The following MCC variants were observed in gnomAD, a reference collection of about 807,000 sequenced individuals.
MCC encodes the protein MCC regulator of Wnt signaling pathway.
In MCC, 90 loss-of-function variants were observed where a neutral mutation model predicts 116.2. The observed-to-expected ratio is 0.77, with a 90% CI of 0.65 to 0.92. The LOEUF is 0.92. Among genes scored for constraint, MCC ranks in the 40% least tolerant of loss-of-function variants. MCC has a pLI of 0.00. For synonymous variants in MCC, 578 were observed against 510.5 expected (o/e 1.13, Z -1.78); for missense variants, 1,516 against 1,312.2 (o/e 1.16, Z -2.40).
intron 3 of MCC, among the ~76,000 whole-genome samples, chr5:113,278,669 A>G (rs1765921091): frequency 6.6e-6 from 1 of 152,216 alleles, no homozygotes; most frequent in South Asian, 2.1e-4. Context: ...GGCACCTTGA[A>G]GGTGCTGAAA....
intron 1 of MCC, among the ~76,000 whole-genome samples, chr5:113,416,306 C>T (rs1433298476): frequency 6.6e-6 from 1 of 152,148 alleles, no homozygotes; most frequent in Non-Finnish European, 1.5e-5. Flanking sequence ...GTAGTCTCAT[C>T]TACTCAGGAG....
chr5:113,431,763 AGG>A (rs34082350), intron 1 of MCC, among the ~76,000 whole-genome samples: 866 of 40,718 alleles, frequency 0.021, 17 homozygotes, highest in African/African-American at 0.04. Context: ...TGGGAGGCCA[AGG>A]GGGGGGGGGG....
At chr5:113,067,331 T>C (rs978223509) in intron 13 of MCC, among the ~76,000 whole-genome samples, 1 of 152,140 alleles carries the variant, frequency 6.6e-6, no homozygotes, top group African/African-American at 2.4e-5. Context: ...CCTGGAGACC[T>C]GGCAGGGGAA....
chr5:113,226,670 A>T (rs1763754116), intron 3 of MCC, among the ~76,000 whole-genome samples: 1 of 152,260 alleles, frequency 6.6e-6, no homozygotes, highest in African/African-American at 2.4e-5. Context: ...AATTAAGCTA[A>T]TTGAACACTT....
intron 8 of MCC, among the ~76,000 whole-genome samples, chr5:113,095,462 C>G (rs184839827): frequency 6.6e-6 from 1 of 152,190 alleles, no homozygotes; most frequent in Non-Finnish European, 1.5e-5. Flanking sequence ...TAAATCATCA[C>G]CCATCACAAA....
chr5:113,432,669 T>C (rs973667519), intron 1 of MCC: 2 of 152,232 alleles, frequency 1.3e-5, no homozygotes, highest in African/African-American at 4.8e-5. Flanking sequence ...CAAAAGTTCA[T>C]GCTTTTCACT....
intron 3 of MCC, among the ~76,000 whole-genome samples, chr5:113,196,743 G>C (rs1346078991): frequency 6.6e-6 from 1 of 152,158 alleles, no homozygotes; most frequent in Non-Finnish European, 1.5e-5. Context: ...CAGCTACTCA[G>C]GAGGCTGAGG....
intron 1 of MCC, among the ~76,000 whole-genome samples, chr5:113,424,309 T>C (rs1232404494): frequency 1.3e-5 from 2 of 151,936 alleles, no homozygotes; most frequent in African/African-American, 2.4e-5. Context: ...AAAGAACTCA[T>C]AGGAAACAGA....
At chr5:113,371,570 A>C (rs1768837680) in intron 2 of MCC, among the ~76,000 whole-genome samples, 1 of 152,218 alleles carries the variant, frequency 6.6e-6, no homozygotes, top group Non-Finnish European at 1.5e-5. Flanking sequence ...CCAAACAAAT[A>C]TATGAAGTAC....
intron 3 of MCC, among the ~76,000 whole-genome samples, chr5:113,224,497 G>A (rs1217403754): frequency 6.6e-6 from 1 of 152,214 alleles, no homozygotes; most frequent in Admixed American, 6.5e-5. Context: ...TTTCCTCACA[G>A]GAACTGCCCT....
At chr5:113,487,873 T>G (rs1025104013) in intron 1 of MCC, among the ~76,000 whole-genome samples, 5 of 152,136 alleles carry the variant, frequency 3.3e-5, no homozygotes, top group Admixed American at 3.3e-4. Flanking sequence ...CTGCGGCATC[T>G]TGATGCCCAG....
intron 3 of MCC, among the ~76,000 whole-genome samples, chr5:113,187,754 CAA>C (rs5870533): frequency 0.59 from 72,143 of 122,850 alleles, 21,272 homozygotes; most frequent in East Asian, 0.72. Flanking sequence ...GACTCCAACT[CAA>C]AAAAAAAAAA....
chr5:113,027,413 C>G lies in MCC; in HGVS notation c.2949G>C (p.Gln983His), dbSNP rs1402195641. Residue 983 changes from glutamine (Q) to histidine (H), a missense_variant, in exon 19 of 19, where the codon CAG (glutamine) becomes CAC (histidine). Coordinates refer to ENST00000408903, the MANE Select transcript of MCC (RefSeq NM_001085377.2). ...HQNKLKKLES[Q>H]MMAMVERHET... ...CATGTCTCTCCACCATGGCCATCAT[C>G]TGCGACTCTAACTTCTTCAGTTTGT... is the stretch of plus-strand genomic sequence containing the variant. 1.2e-6 allele frequency: 2 copies of G among 1,614,116 alleles called. No individual in the cohort carries two copies. The highest frequency in any genetic ancestry group is 1.7e-6 in the Non-Finnish European group (2 of 1,180,054).
intron 3 of MCC, among the ~76,000 whole-genome samples, chr5:113,257,753 T>C (rs550484194): frequency 6.6e-6 from 1 of 152,192 alleles, no homozygotes; most frequent in African/African-American, 2.4e-5. Context: ...GAGTTTTAAA[T>C]ACATTTAAAG....
At chr5:113,315,826 C>T (rs948278923) in intron 3 of MCC, among the ~76,000 whole-genome samples, 3 of 151,640 alleles carry the variant, frequency 2.0e-5, no homozygotes, top group Non-Finnish European at 4.4e-5. Flanking sequence ...TGCAGTGAGC[C>T]ATGATCACAC....
At chr5:113,313,978 G>A (rs2150368949) in intron 3 of MCC, among the ~76,000 whole-genome samples, 1 of 152,166 alleles carries the variant, frequency 6.6e-6, no homozygotes, top group South Asian at 2.1e-4. Flanking sequence ...AGGCCACCAT[G>A]CCTGGCTAAT....
In MCC at chr5:113,049,087, C is replaced by A. The variant is rs775962564; in HGVS notation, c.2655+6G>T. On this transcript the variant is annotated splice_donor_region_variant and intron_variant, in intron 16 of 18. Transcript: ENST00000408903. Reference sequence around the variant, plus strand: ...TAAGGGTGTCCCCAAGCCACTCCGGCCCTACCTTGCCAGGTTTGTCTTTGC... The same window carrying A: ...TAAGGGTGTCCCCAAGCCACTCCGGACCTACCTTGCCAGGTTTGTCTTTGC... 6.2e-7 allele frequency: 1 copy of A among 1,614,094 alleles called. No individual in the cohort carries two copies. Among genetic ancestry groups the A allele is most frequent in the Non-Finnish European group, 8.5e-7 (1 of 1,179,998 alleles).
At chr5:113,340,828 G>T in intron 2 of MCC, 98 bp from the exon 3 acceptor site, 2 of 916,526 alleles carry the variant, frequency 2.2e-6, no homozygotes, top group Non-Finnish European at 3.3e-6. Context: ...AGCCTTCCAT[G>T]TGCCAGCATC....
intron 1 of MCC, among the ~76,000 whole-genome samples, chr5:113,392,139 G>C (rs972944531): frequency 2.0e-5 from 3 of 152,010 alleles, no homozygotes; most frequent in African/African-American, 7.2e-5. Flanking sequence ...GACGAGAAGG[G>C]AGGATGCCTT....
Sources: gnomAD v4.1 joint callset for allele counts (sites outside exome capture counted in the v4.1 genomes callset) on GRCh38, gnomAD v4.1.1 for gene constraint, MANE v1.5 for transcripts, NCBI Gene and HGNC (gene_info 2026-07-23, HGNC 2026-07-21) for gene names.